Variants in FOCAD observed in about 807,000 individuals in gnomAD.
FOCAD encodes KIAA1797.
In FOCAD, 198 loss-of-function variants were observed where a neutral mutation model predicts 225.6. The ratio of observed to expected loss-of-function variants is 0.88; its 90% CI spans 0.78 to 0.99. FOCAD has a LOEUF of 0.99. Ranked by LOEUF, FOCAD falls within the 50% of genes least tolerant of loss-of-function variation. FOCAD has a pLI of 0.00. For missense variants in FOCAD, 2,713 were observed against 2,123.6 expected, an observed-to-expected ratio of 1.28 and a Z score of -5.46; for synonymous variants, 897 against 755.0, an observed-to-expected ratio of 1.19 and a Z score of -3.08.
At chr9:20,932,853 C>G (rs971091311) in intron 27 of FOCAD, among the ~76,000 whole-genome samples, 161 bp from the exon 28 acceptor site, 1 of 151,686 alleles carries the variant, frequency 6.6e-6, no homozygotes, top group African/African-American at 2.4e-5. Flanking sequence ...GTTTCTGTAA[C>G]TACCAAATAA....
chr9:20,886,236 G>T (rs1017423963), intron 21 of FOCAD, among the ~76,000 whole-genome samples: 11 of 151,862 alleles, frequency 7.2e-5, no homozygotes, highest in Non-Finnish European at 1.6e-4. Context: ...GCCTAATATA[G>T]TGTCTTCATT....
intron 7 of FOCAD, among the ~76,000 whole-genome samples, chr9:20,765,846 C>G (rs1830009359): frequency 6.6e-6 from 1 of 152,216 alleles, no homozygotes. Context: ...CAGCACCATG[C>G]TGCTTAGCTG....
At chr9:20,925,370 G>C (rs1834839821) in intron 25 of FOCAD, among the ~76,000 whole-genome samples, 1 of 152,126 alleles carries the variant, frequency 6.6e-6, no homozygotes, top group African/African-American at 2.4e-5. Flanking sequence ...GTCTAGCTCA[G>C]AGTTTGAGTT....
intron 27 of FOCAD, 127 bp from the exon 28 acceptor site, chr9:20,932,887 T>C: frequency 1.5e-6 from 1 of 663,690 alleles, no homozygotes; most frequent in Non-Finnish European, 2.6e-6. Flanking sequence ...ATCAATATTG[T>C]CACTTTTTTT....
intron 1 of FOCAD, among the ~76,000 whole-genome samples, chr9:20,713,006 T>TAC (rs1036688821): frequency 1.6e-4 from 24 of 152,156 alleles, no homozygotes; most frequent in Non-Finnish European, 2.1e-4. Flanking sequence ...GTGCTGGGAT[T>TAC]ACAGGTGTGA....
At chr9:20,979,349 T>C (rs745979677) in intron 37 of FOCAD, among the ~76,000 whole-genome samples, 5 of 152,220 alleles carry the variant, frequency 3.3e-5, no homozygotes. Flanking sequence ...TTTTTTGTTG[T>C]TGTTTTTGAG....
chr9:20,677,347 C>A (rs1439285047), intron 2 of FOCAD, among the ~76,000 whole-genome samples: 2 of 152,058 alleles, frequency 1.3e-5, no homozygotes, highest in Non-Finnish European at 2.9e-5. Flanking sequence ...AAAGCACAGG[C>A]AACGAAAGCA....
intron 7 of FOCAD, among the ~76,000 whole-genome samples, chr9:20,767,957 A>G (rs1252360293): frequency 6.6e-6 from 1 of 152,066 alleles, no homozygotes; most frequent in Non-Finnish European, 1.5e-5. Context: ...TTATGGTTTT[A>G]TGTCTAATGT....
chr9:20,882,918 G>T (rs539251370), intron 20 of FOCAD, among the ~76,000 whole-genome samples: 1 of 152,246 alleles, frequency 6.6e-6, no homozygotes, highest in East Asian at 1.9e-4. Context: ...CCAATTAGTG[G>T]GGGGTGTTGT....
chr9:20,776,527 C>G (rs776015565), intron 8 of FOCAD, among the ~76,000 whole-genome samples: 208 of 152,196 alleles, frequency 1.4e-3, no homozygotes, highest in Non-Finnish European at 2.5e-3. Flanking sequence ...TGGTCTAATC[C>G]TCCACCATTT....
At position 20,929,255 on chromosome 9, in the gene FOCAD, G is replaced by T. The variant is rs1360827888; in HGVS notation, c.3079-103G>T. On this transcript the variant is annotated intron_variant, in intron 26 of 43. Transcript: ENST00000338382. ...TGTATTATTTTGGGTGTCGGCCGGG[G>T]TGGATCTAAGAGAAGCTTGTGTGGT... The T allele has an allele frequency of 3.6e-6, 3 of 831,134 alleles. No homozygotes were observed. In the Admixed American group the frequency reaches 7.0e-5, roughly 19 times the overall value. The allele number at this position is 831,134 out of a possible 1,614,324, so 51.5% of individuals were successfully genotyped here.
At chr9:20,690,170 G>A (rs1360136714) in intron 1 of FOCAD, among the ~76,000 whole-genome samples, 7 of 152,180 alleles carry the variant, frequency 4.6e-5, no homozygotes, top group Non-Finnish European at 1.0e-4. Flanking sequence ...ATTGCCATCT[G>A]TTATTTTCTG....
intron 37 of FOCAD, among the ~76,000 whole-genome samples, chr9:20,980,648 A>G (rs906984057): frequency 1.3e-5 from 2 of 152,130 alleles, no homozygotes; most frequent in Admixed American, 6.5e-5. Flanking sequence ...TCCCTCCCCT[A>G]TTTTTGTGTG....
chr9:20,814,767 A>G (rs1013496356), intron 11 of FOCAD, among the ~76,000 whole-genome samples: 7 of 152,154 alleles, frequency 4.6e-5, no homozygotes, highest in South Asian at 2.1e-4. Context: ...ATAAACTTCA[A>G]TCACATACAT....
chr9:20,942,416 A>G (rs1329900149), intron 28 of FOCAD, among the ~76,000 whole-genome samples: 1 of 152,216 alleles, frequency 6.6e-6, no homozygotes, highest in African/African-American at 2.4e-5. Context: ...CCCTATTGGA[A>G]TGAGCTTTGA....
intron 21 of FOCAD, among the ~76,000 whole-genome samples, chr9:20,897,869 C>T (rs574192481): frequency 6.6e-6 from 1 of 151,766 alleles, no homozygotes; most frequent in African/African-American, 2.4e-5. Flanking sequence ...AGCTTCTGAT[C>T]TCTATAATTT....
At chr9:20,764,072 A>G (rs1000814003) in intron 6 of FOCAD, among the ~76,000 whole-genome samples, 4 of 152,200 alleles carry the variant, frequency 2.6e-5, no homozygotes, top group African/African-American at 9.7e-5. Flanking sequence ...ACATGCAGTA[A>G]CTTGAACACT....
At chr9:20,839,040 G>A (rs1826256554) in intron 15 of FOCAD, among the ~76,000 whole-genome samples, 1 of 151,974 alleles carries the variant, frequency 6.6e-6, no homozygotes, top group Admixed American at 6.6e-5. Flanking sequence ...AATAAAGATT[G>A]GTTGTAGCAC....
intron 1 of FOCAD, among the ~76,000 whole-genome samples, chr9:20,692,488 A>G (rs1025421798): frequency 1.3e-5 from 2 of 152,058 alleles, no homozygotes; most frequent in African/African-American, 4.8e-5. Context: ...CCTACTCCCA[A>G]CATTTTGTGG....
Sources: gnomAD v4.1 joint callset for allele counts (sites outside exome capture counted in the v4.1 genomes callset) on GRCh38, gnomAD v4.1.1 for gene constraint, MANE v1.5 for transcripts, NCBI Gene and HGNC (gene_info 2026-07-23, HGNC 2026-07-21) for gene names.